Variants in COL24A1 observed in about 807,000 individuals in gnomAD.
COL24A1 encodes the protein collagen type XXIV alpha 1 chain.
In COL24A1, 224 loss-of-function variants were observed where a neutral mutation model predicts 253.9. The ratio of observed to expected loss-of-function variants is 0.88; its 90% CI spans 0.79 to 0.99. The LOEUF is 0.99. COL24A1 is among the 50% of genes least tolerant of loss of function. The probability of loss-of-function intolerance (pLI) is 0.00; values close to 1 mark genes in which losing one functional copy is unlikely to be tolerated. For missense variants in COL24A1, 2,131 were observed against 2,068.5 expected (o/e 1.03, Z -0.59); for synonymous variants, 685 against 673.7 (o/e 1.02, Z -0.26).
At chr1:85,850,140 T>C (rs1241685198) in intron 37 of COL24A1, among the ~76,000 whole-genome samples, 3 of 152,212 alleles carry the variant, frequency 2.0e-5, no homozygotes, top group Admixed American at 2.0e-4. Flanking sequence ...ATATACACTT[T>C]TTTTTAAGTA....
chr1:85,770,722 A>G (rs763749252), intron 53 of COL24A1, among the ~76,000 whole-genome samples: 12 of 152,178 alleles, frequency 7.9e-5, no homozygotes, highest in Non-Finnish European at 1.5e-4. Flanking sequence ...GCCCCTTTAC[A>G]ACACATCTTC....
intron 28 of COL24A1, among the ~76,000 whole-genome samples, chr1:85,897,219 T>C (rs1414430532): frequency 6.6e-6 from 1 of 152,050 alleles, no homozygotes; most frequent in East Asian, 1.9e-4. Flanking sequence ...CATGGACACA[T>C]GGTGAGGAAC....
At chr1:85,990,012 T>C (rs572528847) in intron 19 of COL24A1, among the ~76,000 whole-genome samples, 9 of 152,350 alleles carry the variant, frequency 5.9e-5, no homozygotes, top group African/African-American at 2.2e-4. Flanking sequence ...CAGTTTTATG[T>C]TATTCACTTC....
At chr1:85,770,036 G>C (rs1195471301) in intron 53 of COL24A1, among the ~76,000 whole-genome samples, 1 of 152,068 alleles carries the variant, frequency 6.6e-6, no homozygotes, top group Non-Finnish European at 1.5e-5. Context: ...CACTGATATG[G>C]AACATGGGCT....
chr1:85,871,479 A>G (rs565342460), intron 35 of COL24A1, among the ~76,000 whole-genome samples: 45 of 152,222 alleles, frequency 3.0e-4, no homozygotes, highest in Non-Finnish European at 6.2e-4. Context: ...CCAGCAGCAC[A>G]TCAAAAAGCT....
chr1:85,795,544 C>T (rs1670712040), intron 47 of COL24A1, among the ~76,000 whole-genome samples: 1 of 151,992 alleles, frequency 6.6e-6, no homozygotes, highest in African/African-American at 2.4e-5. Flanking sequence ...TTTCGAATAT[C>T]AATTTTATTG....
chr1:86,027,798 C>T lies in COL24A1; in HGVS notation c.2049+4080G>A, dbSNP rs552169721. Among the ~76,000 whole-genome samples, 16 of 152,296 alleles carry T rather than the reference C, an allele frequency of 1.1e-4. No individual in the cohort carries two copies. The East Asian group carries it at 2.3e-3, about 22-fold the overall frequency. ...GACCCCAGAATGGTAGATCCACGAA[C>T]AGCTTGCACCATTCACCTGGAAAAG... On this transcript the variant is annotated intron_variant, in intron 14 of 59. Transcript: ENST00000370571.
chr1:85,935,226 A>G (rs931933611), intron 24 of COL24A1, among the ~76,000 whole-genome samples: 1 of 118,466 alleles, frequency 8.4e-6, no homozygotes, highest in African/African-American at 3.0e-5. Context: ...CACCAAAGAG[A>G]ATATGTAGAA....
At chr1:85,892,881 C>T (rs1683269074) in intron 31 of COL24A1, among the ~76,000 whole-genome samples, 1 of 151,926 alleles carries the variant, frequency 6.6e-6, no homozygotes, top group African/African-American at 2.4e-5. Context: ...AAAAATCCAA[C>T]AGACAGATTA....
At chr1:85,766,122 T>C (rs1207846891) in intron 53 of COL24A1, among the ~76,000 whole-genome samples, 1 of 151,650 alleles carries the variant, frequency 6.6e-6, no homozygotes, top group Non-Finnish European at 1.5e-5. Flanking sequence ...TCCCAGCACT[T>C]TGGGAGGCTG....
rs575821714 is a variant in COL24A1, at chr1:86,110,439, C to G, written c.1599+2128G>C. 4.6e-5 allele frequency among the ~76,000 whole-genome samples: 7 copies of G among 152,148 alleles called. No homozygotes were observed. The East Asian group carries it at 1.4e-3, about 30-fold the overall frequency. On this transcript the variant is annotated intron_variant, in intron 5 of 59. Transcript: ENST00000370571. ...CGCTTGCTTTTGGCGCCTTCTTGGC[C>G]TCAGCGTCCACTCTGGCCGCGCTTG...
chr1:86,087,986 A>C (rs10493786), intron 7 of COL24A1, among the ~76,000 whole-genome samples: 20,084 of 152,206 alleles, frequency 0.13, 1,370 homozygotes, highest in Middle Eastern at 0.21. Context: ...ACAATTCAGC[A>C]CTATAGCAGG....
chr1:86,004,013 A>G (rs913656159), intron 19 of COL24A1, among the ~76,000 whole-genome samples: 5 of 152,218 alleles, frequency 3.3e-5, no homozygotes, highest in African/African-American at 1.2e-4. Flanking sequence ...TGGAGAAGAC[A>G]TGGTAGTAGA....
At chr1:85,969,603 T>TAAAAAAAAAAAAAAAAAAAAAAAAA (rs1691931876) in intron 22 of COL24A1, among the ~76,000 whole-genome samples, 1 of 18,194 alleles carries the variant, frequency 5.5e-5, no homozygotes. Context: ...AGACTCTGTC[T>TAAAAAAAAAAAAAAAAAAAAAAAAA]CAAAAAAAAA....
Position 85,960,692 on chromosome 1 carries a change from G to A in COL24A1, c.2562+557C>T, listed in dbSNP as rs141287221. On this transcript the variant is annotated intron_variant, in intron 24 of 59. Transcript: ENST00000370571. ...CAGGCCAGGAGTTCGAGACTAGCCT[G>A]GTTGACATGGGGAAACTCCATCTCT... 1,300 of 152,894 alleles carry A rather than the reference G, an allele frequency of 8.5e-3. 4 individuals carry two copies. Among genetic ancestry groups the A allele is most frequent in the Admixed American group, 0.014 (217 of 15,244 alleles). 9.5% of individuals were successfully genotyped at this position (152,894 alleles called of 1,614,324 possible).
chr1:86,014,288 C>G (rs1320233343), intron 19 of COL24A1, among the ~76,000 whole-genome samples: 1 of 152,012 alleles, frequency 6.6e-6, no homozygotes, highest in Non-Finnish European at 1.5e-5. Flanking sequence ...TTTCAGTTAC[C>G]AAAATTTATT....
intron 24 of COL24A1, among the ~76,000 whole-genome samples, chr1:85,914,103 A>G (rs1685628523): frequency 6.6e-6 from 1 of 152,172 alleles, no homozygotes; most frequent in South Asian, 2.1e-4. Flanking sequence ...CAACATATGA[A>G]TTTTGCAGAG....
At position 85,903,859 on chromosome 1, in the gene COL24A1, T is replaced by C. The variant is rs1442772275; in HGVS notation, c.2778+3335A>G. Among the ~76,000 whole-genome samples, 6 of 152,186 alleles carry C rather than the reference T, an allele frequency of 3.9e-5. No homozygotes were observed. The South Asian group carries it at 6.2e-4, about 16-fold the overall frequency. On this transcript the variant is annotated intron_variant, in intron 28 of 59. Transcript: ENST00000370571. ...TTTACACAGCTGAAACAAAACGTTC[T>C]ATTAAACAAAAACTAACATTATCAG...
At chr1:85,810,708 C>G (rs1302201369) in intron 47 of COL24A1, among the ~76,000 whole-genome samples, 1 of 152,072 alleles carries the variant, frequency 6.6e-6, no homozygotes, top group Admixed American at 6.5e-5. Context: ...TACTCTCACT[C>G]TTTGTCTCTC....
Sources: allele counts gnomAD v4.1 joint callset (sites outside exome capture counted in the v4.1 genomes callset), GRCh38; gene constraint gnomAD v4.1.1; transcripts MANE v1.5; gene names NCBI Gene and HGNC (gene_info 2026-07-23, HGNC 2026-07-21).